Variants in CNOT1 observed in about 807,000 individuals in gnomAD.
CNOT1 encodes the protein CCR4-associated factor 1.
CNOT1 carries 15 observed loss-of-function variants against 273.8 expected under a neutral mutation model. The observed-to-expected ratio is 0.05, with a 90% CI of 0.04 to 0.08. The LOEUF is 0.08. Among genes scored for constraint, CNOT1 ranks in the 10% least tolerant of loss-of-function variants. The pLI is 1.00. For synonymous variants in CNOT1, 1,022 were observed against 1,005.5 expected, an observed-to-expected ratio of 1.02 and a Z score of -0.31; for missense variants, 1,644 against 2,912.2, an observed-to-expected ratio of 0.56 and a Z score of 10.02.
At chr16:58,533,975 CT>C (rs1171705440) in intron 40 of CNOT1, among the ~76,000 whole-genome samples, 171 bp downstream of exon 40, 1 of 151,232 alleles carries the variant, frequency 6.6e-6, no homozygotes, top group African/African-American at 2.4e-5. Flanking sequence ...AATAGAAAAG[CT>C]CCAGGAATCG....
chr16:58,577,608 T>C (rs960832953), intron 13 of CNOT1, among the ~76,000 whole-genome samples: 3 of 152,180 alleles, frequency 2.0e-5, no homozygotes, highest in South Asian at 4.1e-4. Context: ...GGGAAGAAAG[T>C]TTTTTTCTGC....
rs770857398 is a variant in CNOT1 at position 58,551,189 on chromosome 16, G to T, written c.3285C>A (p.Ile1095=). 1 of 1,610,062 alleles carries T rather than the reference G, an allele frequency of 6.2e-7. No individual in the cohort carries two copies. The highest frequency in any genetic ancestry group is 8.5e-7 in the Non-Finnish European group (1 of 1,178,952). The part of the protein sequence containing the change: ...TERIVEPPEN[I]QEKIAFIFNN... ...TGAAAATAAAAGCAATTTTCTCCTG[G>T]ATATTTTCTGGGGGCTCCACAATTC... is the stretch of plus-strand genomic sequence containing the variant. Residue 1095 remains isoleucine, a synonymous_variant, in exon 24 of 49, where the codon ATC becomes ATA. Transcript: ENST00000317147.
At chr16:58,621,095 A>G (rs1436929930) in intron 1 of CNOT1, among the ~76,000 whole-genome samples, 1 of 151,230 alleles carries the variant, frequency 6.6e-6, no homozygotes, top group African/African-American at 2.4e-5. Flanking sequence ...TGCAGCCTCG[A>G]CCTCCCCAGG....
At chr16:58,594,354 T>C (rs1049172417) in intron 2 of CNOT1, among the ~76,000 whole-genome samples, 6 of 152,168 alleles carry the variant, frequency 3.9e-5, no homozygotes, top group African/African-American at 1.4e-4. Context: ...AATAGAATAG[T>C]GGTCACTAAG....
intron 16 of CNOT1, among the ~76,000 whole-genome samples, chr16:58,570,818 GAAACA>G (rs2041244471): frequency 1.3e-5 from 2 of 151,872 alleles, no homozygotes; most frequent in South Asian, 4.2e-4. Flanking sequence ...CAACCACTAA[GAAACA>G]AAACAAAAAA....
intron 16 of CNOT1, 25 bp downstream of exon 16, chr16:58,574,584 T>G (rs775557232): frequency 6.5e-7 from 1 of 1,548,306 alleles, no homozygotes. Context: ...TCAAAAAAAG[T>G]CATATTCATG....
intron 40 of CNOT1, chr16:58,532,687 A>G (rs2039808056): frequency 2.9e-6 from 1 of 350,658 alleles, no homozygotes; most frequent in Non-Finnish European, 5.2e-6. Flanking sequence ...GGCCCCTCAC[A>G]TTTCACCATG....
chr16:58,541,352 G>A, intron 34 of CNOT1, 149 bp downstream of exon 34: 1 of 1,264,270 alleles, frequency 7.9e-7, no homozygotes, highest in Non-Finnish European at 1.1e-6. Context: ...TACTTAATTG[G>A]ACACAAAGAA....
intron 1 of CNOT1, among the ~76,000 whole-genome samples, chr16:58,601,824 C>T (rs995947729): frequency 6.9e-6 from 1 of 145,174 alleles, no homozygotes; most frequent in African/African-American, 2.5e-5. Flanking sequence ...ATCGCTTGAA[C>T]CCAGGAGTTT....
In CNOT1 at chr16:58,547,580, G is replaced by T. The variant is rs760942108; in HGVS notation, c.3625C>A (p.Pro1209Thr). 2.2e-5 allele frequency: 36 copies of T among 1,612,940 alleles called. No individual in the cohort carries two copies. The highest frequency in any genetic ancestry group is 2.5e-6 in the Non-Finnish European group (3 of 1,179,544). The change falls in exon 26 of 49, where the codon CCC becomes ACC. Residue 1209 changes from proline to threonine, a missense_variant. Around this residue, in one of 13 missense-constraint regions of CNOT1, gnomAD observed 124 missense variants for 289.3 expected, o/e 0.43. Transcript: ENST00000317147. The surrounding 1 kb of genome is among the most constrained non-coding windows in gnomAD (Gnocchi z 4.0). ...ATGAAACTCACAGTGTGTAAGATGGGTTTGTTTTTAGCTAATGTGATCATT... is the reference window on the plus strand; with the variant it reads ...ATGAAACTCACAGTGTGTAAGATGGTTTTGTTTTTAGCTAATGTGATCATT... ...LGMITLAKNK[P>T]ILHTDLDVKS...
intron 2 of CNOT1, among the ~76,000 whole-genome samples, chr16:58,591,945 T>C (rs1326340597): frequency 6.6e-6 from 1 of 152,068 alleles, no homozygotes; most frequent in Non-Finnish European, 1.5e-5. Context: ...TTTGCTAATG[T>C]CCCTCCTAAT....
At chr16:58,590,922 G>C (rs1188633300) in intron 2 of CNOT1, among the ~76,000 whole-genome samples, 1 of 152,196 alleles carries the variant, frequency 6.6e-6, no homozygotes, top group Non-Finnish European at 1.5e-5. Flanking sequence ...AGACTAATAG[G>C]TTCCAAATTC....
At chr16:58,580,550 C>T in intron 12 of CNOT1, 83 bp downstream of exon 12, 1 of 1,508,442 alleles carries the variant, frequency 6.6e-7, no homozygotes, top group Non-Finnish European at 8.8e-7. Context: ...AACCTGTTAA[C>T]TATGTACTTG....
chr16:58,556,285 T>A (rs1316073837), intron 19 of CNOT1, among the ~76,000 whole-genome samples: 1 of 152,228 alleles, frequency 6.6e-6, no homozygotes, highest in Non-Finnish European at 1.5e-5. Flanking sequence ...AAGACTGATG[T>A]AAACACAAAG....
chr16:58,581,764 A>G (rs558922301), intron 10 of CNOT1, among the ~76,000 whole-genome samples: 1 of 152,042 alleles, frequency 6.6e-6, no homozygotes, highest in African/African-American at 2.4e-5. Flanking sequence ...TTGGTTCAAG[A>G]GATTCTCGTG....
intron 16 of CNOT1, 152 bp from the exon 17 acceptor site, chr16:58,560,514 C>T: frequency 2.2e-6 from 3 of 1,357,720 alleles, no homozygotes; most frequent in South Asian, 3.2e-5. Context: ...TTCACTGCAA[C>T]CTCTGCCCCC....
rs2040781601 is a variant in CNOT1 at position 58,560,110 on chromosome 16, T to TTACA, written c.2130+101_2130+102insTGTA. 3.9e-6 allele frequency: 6 copies of TTACA among 1,538,452 alleles called. No individual in the cohort carries two copies. The South Asian group carries it at 5.2e-5, about 13-fold the overall frequency. ...TAAGTGGATGCTAGACATGCAGTTA[T>TTACA]CTAAAATGTAATAAATTCAGACAAT... is the stretch of plus-strand genomic sequence containing the variant. On this transcript the variant is annotated intron_variant, in intron 17 of 48. Coordinates refer to ENST00000317147, the MANE Select transcript of CNOT1 (RefSeq NM_016284.5).
chr16:58,618,224 C>T (rs1035824813), intron 1 of CNOT1, among the ~76,000 whole-genome samples: 1 of 151,934 alleles, frequency 6.6e-6, no homozygotes, highest in Non-Finnish European at 1.5e-5. Flanking sequence ...ACTGACTGAG[C>T]CCAGGAGTTC....
At chr16:58,592,698 A>T (rs1030387178) in intron 2 of CNOT1, among the ~76,000 whole-genome samples, 5 of 152,224 alleles carry the variant, frequency 3.3e-5, no homozygotes, top group African/African-American at 1.2e-4. Flanking sequence ...AATGTTTAGG[A>T]CCGACAAATG....
Sources: gnomAD v4.1 joint callset for allele counts (sites outside exome capture counted in the v4.1 genomes callset) on GRCh38, gnomAD v4.1.1 for gene constraint, gnomAD v4.1.1 regional missense constraint, Gnocchi (gnomAD v3.1) non-coding constraint, MANE v1.5 for transcripts, NCBI Gene and HGNC (gene_info 2026-07-23, HGNC 2026-07-21) for gene names.